The following TAFA2 variants were observed in gnomAD, a reference collection of about 807,000 sequenced individuals.
TAFA2 encodes the protein chemokine-like protein TAFA-2.
TAFA2 carries 7 observed loss-of-function variants against 18.8 expected under a neutral mutation model. The ratio of observed to expected loss-of-function variants is 0.37; its 90% CI spans 0.21 to 0.70. The LOEUF is 0.70. TAFA2 is among the 30% of genes least tolerant of loss of function. The probability of loss-of-function intolerance (pLI) is 0.53; values close to 1 mark genes in which losing one functional copy is unlikely to be tolerated. For synonymous variants in TAFA2, 60 were observed against 54.2 expected (o/e 1.11, Z -0.47); for missense variants, 122 against 158.1 (o/e 0.77, Z 1.23).
intron 1 of TAFA2, among the ~76,000 whole-genome samples, chr12:62,172,799 C>G (rs948946409): frequency 6.6e-6 from 1 of 152,096 alleles, no homozygotes; most frequent in Non-Finnish European, 1.5e-5. Context: ...TGCTAGTAAC[C>G]TTGATAAATT....
chr12:62,213,415 T>A (rs1276519624), intron 1 of TAFA2, among the ~76,000 whole-genome samples: 2 of 152,004 alleles, frequency 1.3e-5, no homozygotes, highest in African/African-American at 4.8e-5. Context: ...GAGGCCGAGG[T>A]GGGCAGATCA....
intron 2 of TAFA2, among the ~76,000 whole-genome samples, chr12:61,770,047 C>T (rs1451920585): frequency 6.6e-6 from 1 of 151,736 alleles, no homozygotes; most frequent in Admixed American, 6.6e-5. Context: ...AAACAAAAAA[C>T]AATCAGAACT....
rs1044949029 is a variant in TAFA2, at chr12:62,098,226, G to T, written c.-2+93033C>A. ...TGCATTCGTGCTTGAAGACTTTTCT[G>T]CAGAGGTCTGTAACACTCATCAGAG... is the stretch of plus-strand genomic sequence containing the variant. On this transcript the variant is annotated intron_variant, in intron 1 of 4. Transcript: ENST00000416284. Among the ~76,000 whole-genome samples, 4 of 152,108 alleles carry T rather than the reference G, an allele frequency of 2.6e-5. No homozygotes were observed. In the South Asian group the frequency reaches 8.3e-4, roughly 31 times the overall value.
At chr12:62,074,641 C>A (rs1183336790) in intron 1 of TAFA2, among the ~76,000 whole-genome samples, 6 of 151,686 alleles carry the variant, frequency 4.0e-5, no homozygotes, top group South Asian at 4.1e-4. Flanking sequence ...CAGTAGAATG[C>A]GAGCTTATAA....
chr12:62,164,805 A>C (rs2062428270), intron 1 of TAFA2, among the ~76,000 whole-genome samples: 3 of 152,146 alleles, frequency 2.0e-5, no homozygotes, highest in African/African-American at 7.2e-5. Flanking sequence ...TGAGGATCAC[A>C]TAAATGAAAG....
intron 1 of TAFA2, among the ~76,000 whole-genome samples, chr12:62,227,849 A>T (rs566014436): frequency 6.6e-6 from 1 of 152,108 alleles, no homozygotes; most frequent in South Asian, 2.1e-4. Flanking sequence ...TCTCAGTATC[A>T]TTTATTGAAG....
At chr12:62,078,698 T>C (rs1017018226) in intron 1 of TAFA2, among the ~76,000 whole-genome samples, 2 of 152,220 alleles carry the variant, frequency 1.3e-5, no homozygotes, top group East Asian at 3.9e-4. Context: ...TTTGGGGAGC[T>C]GGCACCAGGA....
chr12:61,820,358 TTGA>T (rs1397227332), intron 2 of TAFA2, among the ~76,000 whole-genome samples: 2 of 152,036 alleles, frequency 1.3e-5, no homozygotes, highest in Non-Finnish European at 2.9e-5. Flanking sequence ...TAAATATAAG[TTGA>T]TGTTCACTAC....
intron 1 of TAFA2, among the ~76,000 whole-genome samples, chr12:62,039,507 T>C (rs183910395): frequency 6.6e-6 from 1 of 152,286 alleles, no homozygotes; most frequent in East Asian, 1.9e-4. Context: ...AGAAACTTGA[T>C]GGTTGAGAGC....
chr12:62,256,313 T>C (rs1054793901), intron 1 of TAFA2, among the ~76,000 whole-genome samples: 3 of 152,152 alleles, frequency 2.0e-5, no homozygotes, highest in African/African-American at 7.2e-5. Flanking sequence ...TTAATTAATT[T>C]GTAGACCTTA....
intron 1 of TAFA2, among the ~76,000 whole-genome samples, chr12:62,238,779 C>T (rs2062849167): frequency 1.3e-5 from 2 of 152,142 alleles, no homozygotes; most frequent in Admixed American, 1.3e-4. Context: ...TCTATAATGA[C>T]TTGTATTTAC....
intron 1 of TAFA2, among the ~76,000 whole-genome samples, chr12:62,038,392 C>A (rs1881667841): frequency 6.6e-6 from 1 of 152,076 alleles, no homozygotes; most frequent in Admixed American, 6.6e-5. Context: ...CAAACTCGAC[C>A]AACTGCAGAC....
At chr12:62,055,087 A>G (rs1291487198) in intron 1 of TAFA2, among the ~76,000 whole-genome samples, 3 of 152,232 alleles carry the variant, frequency 2.0e-5, no homozygotes, top group Non-Finnish European at 4.4e-5. Flanking sequence ...GTCCTCATAG[A>G]TGGGATCAAT....
chr12:62,108,070 G>A (rs1410211858), intron 1 of TAFA2, among the ~76,000 whole-genome samples: 1 of 152,008 alleles, frequency 6.6e-6, no homozygotes, highest in East Asian at 1.9e-4. Flanking sequence ...CACGTGCCAT[G>A]GTGGTTTGCT....
At chr12:61,797,012 T>A (rs1871215181) in intron 2 of TAFA2, among the ~76,000 whole-genome samples, 1 of 152,162 alleles carries the variant, frequency 6.6e-6, no homozygotes, top group South Asian at 2.1e-4. Flanking sequence ...ATCAGTCTAT[T>A]AGTTACAGAG....
chr12:61,930,336 T>C (rs887013850), intron 1 of TAFA2, among the ~76,000 whole-genome samples: 1 of 152,098 alleles, frequency 6.6e-6, no homozygotes, highest in Non-Finnish European at 1.5e-5. Context: ...TAAGTTGAGA[T>C]AAAAAATTAT....
chr12:62,145,745 C>T (rs1427648715), intron 1 of TAFA2: 1 of 152,252 alleles, frequency 6.6e-6, no homozygotes, highest in Non-Finnish European at 1.5e-5. Flanking sequence ...TCCAACTCCT[C>T]ACTCTCTTGG....
At chr12:61,950,226 G>C (rs538737415) in intron 1 of TAFA2, among the ~76,000 whole-genome samples, 1 of 152,046 alleles carries the variant, frequency 6.6e-6, no homozygotes, top group African/African-American at 2.4e-5. Context: ...CTATGAAAAA[G>C]GGTGTGCAAA....
intron 1 of TAFA2, among the ~76,000 whole-genome samples, chr12:62,236,233 C>T (rs2062836472): frequency 6.6e-6 from 1 of 150,830 alleles, no homozygotes. Flanking sequence ...ACTTTACCAG[C>T]GAGTTTATGC....
Sources: allele counts gnomAD v4.1 joint callset (sites outside exome capture counted in the v4.1 genomes callset), GRCh38; gene constraint gnomAD v4.1.1; transcripts MANE v1.5; gene names NCBI Gene and HGNC (gene_info 2026-07-23, HGNC 2026-07-21).